FRMD3: variants seen among roughly 807,000 people sequenced by gnomAD.
FRMD3 encodes FERM domain-containing protein 3.
Under a neutral mutation model 70.2 loss-of-function variants are expected in FRMD3, and 33 were observed. The ratio of observed to expected loss-of-function variants is 0.47; its 90% CI spans 0.36 to 0.63. The LOEUF is 0.63. FRMD3 is among the 20% of genes least tolerant of loss of function. The pLI is 0.00. For synonymous variants in FRMD3, 279 were observed against 255.9 expected, an observed-to-expected ratio of 1.09 and a Z score of -0.86; for missense variants, 632 against 711.4, an observed-to-expected ratio of 0.89 and a Z score of 1.27.
intron 8 of FRMD3, 87 bp downstream of exon 8, chr9:83,311,800 C>A: frequency 2.2e-6 from 2 of 909,694 alleles, no homozygotes. Flanking sequence ...AGGCATTCTA[C>A]CTGACACTTG....
At chr9:83,340,735 G>A (rs1265596635) in intron 5 of FRMD3, among the ~76,000 whole-genome samples, 1 of 152,134 alleles carries the variant, frequency 6.6e-6, no homozygotes, top group Admixed American at 6.6e-5. Context: ...AGTATGTACA[G>A]GCAGCAAAAC....
intron 13 of FRMD3, among the ~76,000 whole-genome samples, chr9:83,252,397 T>C (rs1456785746): frequency 6.6e-6 from 1 of 152,148 alleles, no homozygotes; most frequent in Non-Finnish European, 1.5e-5. Flanking sequence ...GGAAAAACCA[T>C]TTCCAGCCAC....
chr9:83,497,993 C>T (rs1395509095), intron 1 of FRMD3, among the ~76,000 whole-genome samples: 1 of 152,102 alleles, frequency 6.6e-6, no homozygotes, highest in African/African-American at 2.4e-5. Context: ...ACTAAAAATA[C>T]AAAAATTAGC....
chr9:83,474,076 T>C (rs775362068), intron 1 of FRMD3, among the ~76,000 whole-genome samples: 27 of 152,336 alleles, frequency 1.8e-4, no homozygotes, highest in African/African-American at 4.1e-4. Context: ...TGCATTTATA[T>C]ACATACACAT....
chr9:83,456,985 A>AT (rs1454214972), intron 1 of FRMD3, among the ~76,000 whole-genome samples: 1 of 152,094 alleles, frequency 6.6e-6, no homozygotes, highest in African/African-American at 2.4e-5. Flanking sequence ...GTCTCAAAAA[A>AT]AAATTAATAA....
chr9:83,300,392 A>C (rs1834864407), intron 10 of FRMD3, among the ~76,000 whole-genome samples: 1 of 152,264 alleles, frequency 6.6e-6, no homozygotes, highest in South Asian at 2.1e-4. Context: ...CCATCAGCCT[A>C]AACATCTAGA....
chr9:83,244,683 G>A lies in FRMD3; in HGVS notation c.*3235C>T. The stretch of plus-strand genomic sequence containing the variant: ...ACCATATTAACATATAAAACAATCT[G>A]GATGTTGACATAGAAATGCAAATTT... On this transcript the variant is annotated 3_prime_UTR_variant, in exon 14 of 14. Transcript: ENST00000304195. 1 of 984,860 alleles carries A rather than the reference G, an allele frequency of 1.0e-6. No individual in the cohort carries two copies. Among genetic ancestry groups the A allele is most frequent in the Non-Finnish European group, 1.2e-6 (1 of 829,546 alleles). 61.0% of individuals were successfully genotyped at this position (984,860 alleles called of 1,614,324 possible).
intron 1 of FRMD3, among the ~76,000 whole-genome samples, chr9:83,407,345 A>G (rs559817548): frequency 6.6e-6 from 1 of 152,332 alleles, no homozygotes; most frequent in Admixed American, 6.5e-5. Context: ...AAAAATTCTA[A>G]AAATGGCCAA....
intron 1 of FRMD3, among the ~76,000 whole-genome samples, chr9:83,439,213 T>G (rs1409749973): frequency 6.6e-6 from 1 of 152,230 alleles, no homozygotes; most frequent in Non-Finnish European, 1.5e-5. Flanking sequence ...CATAAAACAT[T>G]TAATGTCCAT....
chr9:83,481,241 CAAAT>C (rs1828561367), intron 1 of FRMD3, among the ~76,000 whole-genome samples: 1 of 152,050 alleles, frequency 6.6e-6, no homozygotes, highest in South Asian at 2.1e-4. Context: ...TTATTATAAA[CAAAT>C]AAGTAAAAGG....
chr9:83,505,678 G>A (rs940699722), intron 1 of FRMD3, among the ~76,000 whole-genome samples: 18 of 152,194 alleles, frequency 1.2e-4, no homozygotes, highest in African/African-American at 4.1e-4. Flanking sequence ...TGCTCGTGGT[G>A]CTGCCTGAGC....
chr9:83,398,078 G>C (rs1825854263), intron 1 of FRMD3, among the ~76,000 whole-genome samples: 1 of 152,154 alleles, frequency 6.6e-6, no homozygotes, highest in Non-Finnish European at 1.5e-5. Context: ...AAAGATTGTA[G>C]CTTGATTGAA....
intron 3 of FRMD3, among the ~76,000 whole-genome samples, chr9:83,358,331 G>C (rs1168191089): frequency 1.3e-5 from 2 of 152,182 alleles, no homozygotes; most frequent in Admixed American, 1.3e-4. Context: ...TGGTGACTAT[G>C]ACCTTATAGT....
At chr9:83,484,146 T>C (rs1420763049) in intron 1 of FRMD3, among the ~76,000 whole-genome samples, 2 of 152,208 alleles carry the variant, frequency 1.3e-5, no homozygotes, top group East Asian at 3.9e-4. Flanking sequence ...TCTGACATCC[T>C]TTATCAATCT....
At chr9:83,432,111 C>A (rs1364193537) in intron 1 of FRMD3, among the ~76,000 whole-genome samples, 1 of 152,190 alleles carries the variant, frequency 6.6e-6, no homozygotes, top group African/African-American at 2.4e-5. Flanking sequence ...AAGGACACTG[C>A]CACACACCTG....
At chr9:83,392,248 C>A (rs965808903) in intron 1 of FRMD3, among the ~76,000 whole-genome samples, 1 of 152,126 alleles carries the variant, frequency 6.6e-6, no homozygotes, top group Non-Finnish European at 1.5e-5. Context: ...CCTCACCACC[C>A]TGAGACCCTC....
At chr9:83,347,556 T>C (rs1324118227) in intron 4 of FRMD3, among the ~76,000 whole-genome samples, 1 of 152,228 alleles carries the variant, frequency 6.6e-6, no homozygotes, top group Non-Finnish European at 1.5e-5. Context: ...TGATTGCTTA[T>C]ATGGAGAGAT....
intron 5 of FRMD3, among the ~76,000 whole-genome samples, chr9:83,342,043 A>ATCTCTCTCTC (rs112748690): frequency 0.041 from 5,669 of 139,604 alleles, 140 homozygotes; most frequent in African/African-American, 0.072. Context: ...TGACATAGTC[A>ATCTCTCTCTC]TCTCTCTCTC....
intron 1 of FRMD3, among the ~76,000 whole-genome samples, chr9:83,481,554 A>G (rs1193878096): frequency 6.6e-6 from 1 of 152,356 alleles, no homozygotes; most frequent in East Asian, 1.9e-4. Flanking sequence ...TTTAAAAAAT[A>G]TGGAAGAGGG....
Sources: allele counts gnomAD v4.1 joint callset (sites outside exome capture counted in the v4.1 genomes callset), GRCh38; gene constraint gnomAD v4.1.1; transcripts MANE v1.5; gene names NCBI Gene and HGNC (gene_info 2026-07-23, HGNC 2026-07-21).